The following ZNF74 variants were observed in gnomAD, a reference collection of about 807,000 sequenced individuals.
ZNF74 encodes the protein zinc finger protein 520.
ZNF74 carries 12 observed loss-of-function variants against 17.7 expected under a neutral mutation model. The observed-to-expected ratio is 0.68, with a 90% CI of 0.43 to 1.10. The LOEUF (loss-of-function observed/expected upper bound fraction) is 1.10, where lower values mean the gene tolerates loss of function less well. Among genes scored for constraint, ZNF74 ranks in the 50% least tolerant of loss-of-function variants. ZNF74 has a pLI of 0.00. For synonymous variants in ZNF74, 358 were observed against 362.1 expected, an observed-to-expected ratio of 0.99 and a Z score of 0.13; for missense variants, 811 against 881.0, an observed-to-expected ratio of 0.92 and a Z score of 1.01.
In ZNF74 at chr22:20,394,243, TCTGTCCGCTTCGGGAC is replaced by T. The variant is rs1192484326; in HGVS notation, c.-376_-361del. ...CCGGTCCCTCAGACCGTCGGCGGTCTCTGTCCGCTTCGGGACCTGTCCGCTGGTCGCTCCGCGTCCG... is the reference window on the plus strand; with the variant it reads ...CCGGTCCCTCAGACCGTCGGCGGTCTCTGTCCGCTGGTCGCTCCGCGTCCG... On this transcript the variant is annotated 5_prime_UTR_variant, in exon 1 of 5. Coordinates refer to ENST00000400451, the MANE Select transcript of ZNF74 (RefSeq NM_003426.4). The T allele has an allele frequency of 4.3e-6, 3 of 703,812 alleles. No individual in the cohort carries two copies. Among genetic ancestry groups the T allele is most frequent in the African/African-American group, 1.8e-5 (1 of 56,400 alleles). The allele number at this position is 703,812 out of a possible 1,614,324, so 43.6% of individuals were successfully genotyped here.
intron 4 of ZNF74, 89 bp from the exon 5 acceptor site, chr22:20,405,288 C>T: frequency 7.1e-7 from 1 of 1,400,836 alleles, no homozygotes; most frequent in Non-Finnish European, 9.7e-7. Context: ...CTTTTCTGGG[C>T]TTATCTGCAT....
Position 20,407,211 on chromosome 22 carries a change from T to G in ZNF74, c.*243T>G. ...GAGGTAGTCTTGCCACCTGTTTTCC[T>G]TGATGGGCCTGGAAGTTGTTGACAA... On this transcript the variant is annotated 3_prime_UTR_variant, in exon 5 of 5. Coordinates refer to ENST00000400451, the MANE Select transcript of ZNF74 (RefSeq NM_003426.4). 1.8e-6 allele frequency: 1 copy of G among 542,474 alleles called. No individual in the cohort carries two copies. The highest frequency in any genetic ancestry group is 3.2e-6 in the Non-Finnish European group (1 of 313,410). The allele number at this position is 542,474 out of a possible 1,614,324, so 33.6% of individuals were successfully genotyped here.
chr22:20,399,755 G>A (rs2052336971), intron 2 of ZNF74: 1 of 210,646 alleles, frequency 4.7e-6, no homozygotes, highest in South Asian at 5.5e-5. Context: ...ACCCGGCCTT[G>A]CTATTAGTTT....
In ZNF74 at chr22:20,406,404, G is replaced by A. The variant is rs779029121; in HGVS notation, c.1371G>A (p.Ala457=). 10 of 1,613,062 alleles carry A rather than the reference G, an allele frequency of 6.2e-6. No homozygotes were observed. The South Asian group carries it at 8.8e-5, about 14-fold the overall frequency. The change falls in exon 5 of 5, where the codon GCG becomes GCA. Residue 457 remains alanine, a synonymous_variant. Coordinates refer to ENST00000400451, the MANE Select transcript of ZNF74 (RefSeq NM_003426.4). The part of the protein sequence containing the change: ...ADCGKGFSCH[A]YLLVHRRIHS... Reference sequence around the variant, plus strand: ...GCGGGAAGGGCTTCAGCTGCCACGCGTACCTGCTCGTGCACCGGCGCATCC... The same window carrying A: ...GCGGGAAGGGCTTCAGCTGCCACGCATACCTGCTCGTGCACCGGCGCATCC...
chr22:20,400,518 G>C (rs1156559629), intron 2 of ZNF74, 114 bp from the exon 3 acceptor site: 2 of 1,314,196 alleles, frequency 1.5e-6, no homozygotes, highest in Non-Finnish European at 2.2e-6. Flanking sequence ...TCTGGCATGG[G>C]AGAAGGTCAC....
Position 20,395,427 on chromosome 22 carries a change from CTG to C in ZNF74, c.120+15_120+16del, listed in dbSNP as rs1367358827. The C allele has an allele frequency of 6.3e-7, 1 of 1,590,890 alleles. No individual in the cohort carries two copies. The highest frequency in any genetic ancestry group is 8.6e-7 in the Non-Finnish European group (1 of 1,161,728). On this transcript the variant is annotated intron_variant, in intron 2 of 4. Transcript: ENST00000400451. ...CCGAAGCCAGGTCCAAGGTGAGTGG[CTG>C]TGTGTTCTTCCTTCTTTATGAAGAG...
intron 2 of ZNF74, among the ~76,000 whole-genome samples, chr22:20,399,296 CTG>C (rs2052330726): frequency 6.6e-6 from 1 of 151,746 alleles, no homozygotes; most frequent in Non-Finnish European, 1.5e-5. Flanking sequence ...AATGAATTAA[CTG>C]TTTTATCATT....
chr22:20,406,885 G>C lies in ZNF74; in HGVS notation c.1852G>C (p.Ala618Pro). 1 of 1,614,044 alleles carries C rather than the reference G, an allele frequency of 6.2e-7. No homozygotes were observed. The highest frequency in any genetic ancestry group is 8.5e-7 in the Non-Finnish European group (1 of 1,180,040). ...ACTGAGGGACGTGGATCCCATCGAC[G>C]CGCTGGATGTGGCAAAGCTCTTGTG... The part of the protein sequence containing the change: ...AGLRDVDPID[A>P]LDVAKLLCVV... Residue 618 changes from alanine to proline, a missense_variant, in exon 5 of 5, where the codon GCG becomes CCG. Transcript: ENST00000400451.
At position 20,406,477 on chromosome 22, in the gene ZNF74, A is replaced by G; in HGVS notation, c.1444A>G (p.Ser482Gly). Residue 482 changes from serine to glycine, a missense_variant, in exon 5 of 5, where the codon AGC becomes GGC. Ser to Gly is a moderately conservative substitution (Grantham distance 56). Around this residue, in one of 3 missense-constraint regions of ZNF74, gnomAD observed 666 missense variants for 702.3 expected, o/e 0.95. Transcript: ENST00000400451. ...GTGCAACGAGTGCGGCAAAGCCTTC[A>G]GCTCCCACGCCTACCTCATCGTGCA... The part of the protein sequence containing the change: ...FKCNECGKAF[S>G]SHAYLIVHRR... 6.2e-7 allele frequency: 1 copy of G among 1,613,964 alleles called. No individual in the cohort carries two copies. The highest frequency in any genetic ancestry group is 1.1e-5 in the South Asian group (1 of 91,072).
At chr22:20,399,707 G>C (rs2052336269) in intron 2 of ZNF74, 1 of 271,328 alleles carries the variant, frequency 3.7e-6, no homozygotes, top group African/African-American at 2.3e-5. Context: ...TGCCACCTTG[G>C]CCTCCCAAGT....
chr22:20,399,949 T>C lies in ZNF74; in HGVS notation c.121-683T>C, dbSNP rs5761326. ...TTGTTGAGTAGGTTTTTGGAATTCC[T>C]TGTTTCTGGGATTTGTTCTGGGATG... is the stretch of plus-strand genomic sequence containing the variant. On this transcript the variant is annotated intron_variant, in intron 2 of 4. Transcript: ENST00000400451. 1.6e-3 allele frequency: 243 copies of C among 154,880 alleles called. 2 individuals are homozygous for C. Among genetic ancestry groups the C allele is most frequent in the African/African-American group, 5.1e-3 (212 of 41,456 alleles). The allele number at this position is 154,880 out of a possible 1,614,324, so 9.6% of individuals were successfully genotyped here.
rs760856663 is a variant in ZNF74, at chr22:20,405,933, C to A, written c.900C>A (p.Gly300=). The change falls in exon 5 of 5, where the codon GGC becomes GGA. Residue 300 remains glycine, a synonymous_variant. Coordinates refer to ENST00000400451, the MANE Select transcript of ZNF74 (RefSeq NM_003426.4). ...TGGAGCACCGGCGCATCCACACCGG[C>A]GAGAAGCCCTTCTTCTGCGGCGAGT... ...NLLEHRRIHT[G]EKPFFCGECG... is the part of the protein sequence containing the mutation. The A allele has an allele frequency of 6.2e-7, 1 of 1,613,462 alleles. No homozygotes were observed. The highest frequency in any genetic ancestry group is 1.7e-5 in the Admixed American group (1 of 59,988).
rs754349423 is a variant in ZNF74 at position 20,405,591 on chromosome 22, C to T, written c.558C>T (p.Phe186=). 1.9e-6 allele frequency: 3 copies of T among 1,612,652 alleles called. No homozygotes were observed. Among genetic ancestry groups the T allele is most frequent in the Admixed American group, 1.7e-5 (1 of 59,848 alleles). ...VEEFPLRCPL[F]AQQRVPEGGP... is the part of the protein sequence containing the mutation. ...AATTCCCCCTCAGGTGTCCCCTCTT[C>T]GCCCAGCAACGCGTTCCCGAGGGGG... The change falls in exon 5 of 5, where the codon TTC becomes TTT. Residue 186 remains phenylalanine, a synonymous_variant. Transcript: ENST00000400451.
At chr22:20,400,787 G>A (rs766565230) in intron 3 of ZNF74, 29 bp downstream of exon 3, 19 of 1,611,370 alleles carry the variant, frequency 1.2e-5, no homozygotes, top group East Asian at 4.5e-5. Flanking sequence ...CAGGCTGGGC[G>A]TCGGCTGTCA....
At chr22:20,397,116 G>A (rs561038606) in intron 2 of ZNF74, among the ~76,000 whole-genome samples, 18 of 142,912 alleles carry the variant, frequency 1.3e-4, no homozygotes, top group East Asian at 2.1e-4. Flanking sequence ...TTGCTCTGTC[G>A]CCCAGGCTGG....
At position 20,405,706 on chromosome 22, in the gene ZNF74, A is replaced by G; in HGVS notation, c.673A>G (p.Thr225Ala). The G allele has an allele frequency of 6.2e-7, 1 of 1,604,536 alleles. No individual in the cohort carries two copies. The highest frequency in any genetic ancestry group is 8.5e-7 in the Non-Finnish European group (1 of 1,175,788). The change falls in exon 5 of 5, where the codon ACG (threonine) becomes GCG (alanine). Residue 225 changes from threonine to alanine, a missense_variant. By Grantham distance (58) the Thr-to-Ala change is moderately conservative. Around this residue, in one of 3 missense-constraint regions of ZNF74, gnomAD observed 666 missense variants for 702.3 expected, o/e 0.95. Coordinates refer to ENST00000400451, the MANE Select transcript of ZNF74 (RefSeq NM_003426.4). Reference sequence around the variant, plus strand: ...ACTGTGTGCAGGGGAAAACGCCTCCACGCCAAGTGAGCCAGAAAAGTTCCC... The same window carrying G: ...ACTGTGTGCAGGGGAAAACGCCTCCGCGCCAAGTGAGCCAGAAAAGTTCCC... Reference protein sequence around the residue: ...ARLCAGENASTPSEPEKFPQV... With the variant: ...ARLCAGENASAPSEPEKFPQV...
In ZNF74 at chr22:20,407,886, A is replaced by C. The variant is rs2146105552; in HGVS notation, c.*918A>C. On this transcript the variant is annotated 3_prime_UTR_variant, in exon 5 of 5. Coordinates refer to ENST00000400451, the MANE Select transcript of ZNF74 (RefSeq NM_003426.4). ...ATTGTAGCCAGATCCTAACATGCCA[A>C]CATCACCTCTTGCCATTTAGCCCCT... is the stretch of plus-strand genomic sequence containing the variant. The C allele has an allele frequency of 6.6e-6, 1 of 152,336 alleles. No homozygotes were observed. Among genetic ancestry groups the C allele is most frequent in the East Asian group, 1.9e-4 (1 of 5,188 alleles). The allele number at this position is 152,336 out of a possible 1,614,324, so 9.4% of individuals were successfully genotyped here. A position where few individuals can be genotyped will look rare whatever the true frequency, so the allele number is the denominator to read the frequency against.
Position 20,405,437 on chromosome 22 carries a change from A to T in ZNF74, c.404A>T (p.Gln135Leu). 1 of 1,613,518 alleles carries T rather than the reference A, an allele frequency of 6.2e-7. No homozygotes were observed. The highest frequency in any genetic ancestry group is 1.1e-5 in the South Asian group (1 of 91,044). Reference protein sequence around the residue: ...QQGICKEEPAQEPIMERPLGG... With the variant: ...QQGICKEEPALEPIMERPLGG... Reference sequence around the variant, plus strand: ...GGCATTTGCAAAGAAGAACCGGCCCAGGAGCCCATCATGGAGCGGCCCCTC... The same window carrying T: ...GGCATTTGCAAAGAAGAACCGGCCCTGGAGCCCATCATGGAGCGGCCCCTC... The change falls in exon 5 of 5, where the codon CAG becomes CTG. Residue 135 changes from glutamine (Q) to leucine (L), a missense_variant. Physicochemically the swap from Gln to Leu is moderately radical, Grantham distance 113. Transcript: ENST00000400451.
intron 2 of ZNF74, among the ~76,000 whole-genome samples, chr22:20,398,395 C>T (rs1036463316): frequency 6.6e-6 from 1 of 150,580 alleles, no homozygotes; most frequent in Non-Finnish European, 1.5e-5. Flanking sequence ...GAGGGGTATA[C>T]ATTTCATCCC....
Sources: gnomAD v4.1 joint callset for allele counts (sites outside exome capture counted in the v4.1 genomes callset) on GRCh38, gnomAD v4.1.1 for gene constraint, gnomAD v4.1.1 regional missense constraint, MANE v1.5 for transcripts, NCBI Gene and HGNC (gene_info 2026-07-23, HGNC 2026-07-21) for gene names.